The following ANKRD46 variants were observed in gnomAD, a reference collection of about 807,000 sequenced individuals.
ANKRD46 encodes ankyrin repeat domain 46.
In ANKRD46, 13 loss-of-function variants were observed where a neutral mutation model predicts 19.8. That is an observed-to-expected ratio of 0.66 (90% confidence interval 0.43 to 1.04). The LOEUF is 1.04. Among genes scored for constraint, ANKRD46 ranks in the 50% least tolerant of loss-of-function variants. The probability of loss-of-function intolerance (pLI) is 0.00; values close to 1 mark genes in which losing one functional copy is unlikely to be tolerated. For missense variants in ANKRD46, 185 were observed against 274.8 expected (o/e 0.67, Z 2.31); for synonymous variants, 91 against 106.9 (o/e 0.85, Z 0.92).
chr8:100,532,096 C>T lies in ANKRD46; in HGVS notation c.-28+1113G>A, dbSNP rs1004822998. ...GGGCTGTTAAGAATAATTTCAAATA[C>T]GAAAAAAAGTTTATGATTAAAAACT... is the stretch of plus-strand genomic sequence containing the variant. On this transcript the variant is annotated intron_variant, in intron 2 of 4. Transcript: ENST00000335659. The surrounding 1 kb of genome is among the most constrained non-coding windows in gnomAD (Gnocchi z 4.7). Among the ~76,000 whole-genome samples, 40 of 151,786 alleles carry T rather than the reference C, an allele frequency of 2.6e-4. 1 individual carries two copies. Among genetic ancestry groups the T allele is most frequent in the African/African-American group, 8.7e-4 (36 of 41,402 alleles).
chr8:100,555,953 C>G (rs1455158523), intron 1 of ANKRD46, among the ~76,000 whole-genome samples: 1 of 151,928 alleles, frequency 6.6e-6, no homozygotes. Context: ...TTACTGCGTA[C>G]CTTGATTATT....
At chr8:100,509,858 G>T (rs1227669974) in exon 6 of ANKRD46, 1 of 152,256 alleles carries the variant, frequency 6.6e-6, no homozygotes, top group Non-Finnish European at 1.5e-5. Flanking sequence ...GACAATTTAG[G>T]ATGAGAACCA....
At chr8:100,551,587 T>C (rs1031957317) in intron 1 of ANKRD46, 5 of 736,726 alleles carry the variant, frequency 6.8e-6, no homozygotes, top group South Asian at 1.3e-5. Flanking sequence ...ATGCAGACCA[T>C]GTAGTTGAGG....
In ANKRD46 at chr8:100,559,162, T is replaced by C. The variant is rs903878642; in HGVS notation, c.-131+549A>G. ...TCTGCTTTTTAGCACTGCAAGCCAATTAAGGGAGGAAGTTTGCGATTACCC... is the reference window on the plus strand; with the variant it reads ...TCTGCTTTTTAGCACTGCAAGCCAACTAAGGGAGGAAGTTTGCGATTACCC... On this transcript the variant is annotated intron_variant, in intron 1 of 4. Coordinates refer to ENST00000335659, the MANE Select transcript of ANKRD46 (RefSeq NM_001270377.2). This position sits in a 1 kb window ranked among gnomAD's most constrained non-coding sequence, Gnocchi z 6.0. 6.6e-6 allele frequency: 1 copy of C among 152,208 alleles called. No individual in the cohort carries two copies. Among genetic ancestry groups the C allele is most frequent in the Non-Finnish European group, 1.5e-5 (1 of 68,032 alleles). 9.4% of individuals were successfully genotyped at this position (152,208 alleles called of 1,614,324 possible).
chr8:100,517,940 C>T (rs532197601), downstream of ANKRD46, among the ~76,000 whole-genome samples: 3 of 152,326 alleles, frequency 2.0e-5, no homozygotes, highest in East Asian at 1.9e-4. Context: ...CCTGTAATCC[C>T]AGCACTTTGG....
At chr8:100,538,902 T>C (rs947606800) in intron 1 of ANKRD46, among the ~76,000 whole-genome samples, 2 of 152,206 alleles carry the variant, frequency 1.3e-5, no homozygotes, top group East Asian at 1.9e-4. Context: ...CTGTATTCTA[T>C]GTATGTACCA....
Position 100,521,527 on chromosome 8 carries a change from A to G in ANKRD46, c.*1028T>C. On this transcript the variant is annotated 3_prime_UTR_variant, in exon 5 of 5. Coordinates refer to ENST00000335659, the MANE Select transcript of ANKRD46 (RefSeq NM_001270377.2). ...TAAAGAGTTTATGACACCCAGTACG[A>G]TACTGTCCAGCACTGTTAACTCAGA... 1 of 985,444 alleles carries G rather than the reference A, an allele frequency of 1.0e-6. No individual in the cohort carries two copies. The highest frequency in any genetic ancestry group is 1.2e-6 in the Non-Finnish European group (1 of 829,932). 61.0% of individuals were successfully genotyped at this position (985,444 alleles called of 1,614,324 possible).
intron 1 of ANKRD46, among the ~76,000 whole-genome samples, chr8:100,555,705 T>A (rs1268237009): frequency 2.1e-5 from 1 of 48,276 alleles, no homozygotes; most frequent in Non-Finnish European, 3.7e-5. Flanking sequence ...AGGCACCAAC[T>A]TAATATTTTC....
rs901621189 is a variant in ANKRD46, at chr8:100,544,012, T to C, written c.-130-10701A>G. ...AATGTCAAAGACCTTTATGTCCACA[T>C]CACTTCCATCACTTAGTTGGACTTT... On this transcript the variant is annotated intron_variant, in intron 1 of 4. Coordinates refer to ENST00000335659, the MANE Select transcript of ANKRD46 (RefSeq NM_001270377.2). The surrounding 1 kb of genome is among the most constrained non-coding windows in gnomAD (Gnocchi z 4.4). 6.6e-5 allele frequency among the ~76,000 whole-genome samples: 10 copies of C among 152,210 alleles called. No individual in the cohort carries two copies. Among genetic ancestry groups the C allele is most frequent in the African/African-American group, 2.4e-4 (10 of 41,464 alleles).
rs79971037 is a variant in ANKRD46, at chr8:100,528,800, A to C, written c.311+723T>G. Among the ~76,000 whole-genome samples, 607 of 152,302 alleles carry C rather than the reference A, an allele frequency of 4.0e-3. 2 individuals are homozygous for C. Among genetic ancestry groups the C allele is most frequent in the Non-Finnish European group, 6.4e-3 (434 of 68,022 alleles). Reference sequence around the variant, plus strand: ...CAAAAGCATTTACTGTCTTATTCAGATTTAGGGGCATTATGGCATCAATAA... The same window carrying C: ...CAAAAGCATTTACTGTCTTATTCAGCTTTAGGGGCATTATGGCATCAATAA... On this transcript the variant is annotated intron_variant, in intron 3 of 4. Coordinates refer to ENST00000335659, the MANE Select transcript of ANKRD46 (RefSeq NM_001270377.2).
Position 100,537,455 on chromosome 8 carries a change from C to T in ANKRD46, c.-130-4144G>A, listed in dbSNP as rs558946593. On this transcript the variant is annotated intron_variant, in intron 1 of 4. Coordinates refer to ENST00000335659, the MANE Select transcript of ANKRD46 (RefSeq NM_001270377.2). This position sits in a 1 kb window ranked among gnomAD's most constrained non-coding sequence, Gnocchi z 4.2. ...CTAATGTCAAAGAAAAGTACTAAAA[C>T]TGTAAAAATGAATGATACACAGTAA... Among the ~76,000 whole-genome samples, 2 of 152,272 alleles carry T rather than the reference C, an allele frequency of 1.3e-5. No individual in the cohort carries two copies. Among genetic ancestry groups the T allele is most frequent in the East Asian group, 3.9e-4 (2 of 5,172 alleles).
intron 1 of ANKRD46, among the ~76,000 whole-genome samples, chr8:100,548,798 T>C (rs1028198770): frequency 7.2e-5 from 11 of 152,200 alleles, no homozygotes; most frequent in African/African-American, 2.6e-4. Context: ...ATAGCAAAAA[T>C]GGGGTACCAA....
intron 1 of ANKRD46, among the ~76,000 whole-genome samples, chr8:100,547,588 C>T (rs1467169790): frequency 6.6e-6 from 1 of 152,198 alleles, no homozygotes; most frequent in Non-Finnish European, 1.5e-5. Context: ...TGCCACAGCA[C>T]TCCAGCCTGG....
At chr8:100,518,668 G>A (rs1811672590), downstream of ANKRD46, among the ~76,000 whole-genome samples, 1 of 152,018 alleles carries the variant, frequency 6.6e-6, no homozygotes, top group Admixed American at 6.6e-5. Context: ...TGGCTAACAT[G>A]GTGAAACCCC....
In ANKRD46 at chr8:100,510,573, G is replaced by T; in HGVS notation, c.*4C>A. The T allele has an allele frequency of 8.5e-6, 13 of 1,535,416 alleles. No individual in the cohort carries two copies. Among genetic ancestry groups the T allele is most frequent in the Non-Finnish European group, 1.1e-5 (13 of 1,146,612 alleles). On this transcript the variant is annotated 3_prime_UTR_variant, in exon 6 of 6. Transcript: ENST00000520552. The surrounding 1 kb of genome is among the most constrained non-coding windows in gnomAD (Gnocchi z 4.9). ...CTCAGGAGCACAGGACACTGACCTA[G>T]AGATTAGATGGCCTGGATTCGGCTT...
downstream of ANKRD46, among the ~76,000 whole-genome samples, chr8:100,516,450 G>A (rs1811631764): frequency 6.6e-6 from 1 of 152,140 alleles, no homozygotes; most frequent in Non-Finnish European, 1.5e-5. Context: ...AAATCAAAAA[G>A]TAATTTTATG....
At chr8:100,540,419 A>G (rs919373438) in intron 1 of ANKRD46, among the ~76,000 whole-genome samples, 4 of 152,214 alleles carry the variant, frequency 2.6e-5, no homozygotes, top group Non-Finnish European at 4.4e-5. Context: ...ACATAAGCCA[A>G]ATTAACTGTT....
rs1337441994 is a variant in ANKRD46, at chr8:100,543,056, T to A, written c.-130-9745A>T. On this transcript the variant is annotated intron_variant, in intron 1 of 4. Transcript: ENST00000335659. This position sits in a 1 kb window ranked among gnomAD's most constrained non-coding sequence, Gnocchi z 4.2. ...GAAACGGGAAAAGAAGATGACAAGT[T>A]CCTATATCAGTTTCCCATGGAGCTA... Among the ~76,000 whole-genome samples the A allele has an allele frequency of 6.6e-6, 1 of 152,114 alleles. No homozygotes were observed. The highest frequency in any genetic ancestry group is 1.9e-4 in the East Asian group (1 of 5,190).
chr8:100,552,318 T>C (rs1296460024), intron 1 of ANKRD46, among the ~76,000 whole-genome samples: 2 of 152,092 alleles, frequency 1.3e-5, no homozygotes, highest in African/African-American at 4.8e-5. Flanking sequence ...CCTCACTCAT[T>C]ACTTTGTGCT....
Sources: allele counts gnomAD v4.1 joint callset (sites outside exome capture counted in the v4.1 genomes callset), GRCh38; gene constraint gnomAD v4.1.1; non-coding constraint Gnocchi (gnomAD v3.1); transcripts MANE v1.5; gene names NCBI Gene and HGNC (gene_info 2026-07-23, HGNC 2026-07-21).